DEPTOR: variants seen among roughly 807,000 people sequenced by gnomAD.
DEPTOR encodes the protein DEP domain containing MTOR interacting protein.
In DEPTOR, 41 loss-of-function variants were observed where a neutral mutation model predicts 41.6. The ratio of observed to expected loss-of-function variants is 0.98; its 90% CI spans 0.77 to 1.28. The LOEUF (loss-of-function observed/expected upper bound fraction) is 1.28. Among genes scored for constraint, DEPTOR ranks in the 50% most tolerant of loss-of-function variants. The probability of loss-of-function intolerance (pLI) is 0.00; values close to 1 mark genes in which losing one functional copy is unlikely to be tolerated. For missense variants in DEPTOR, 514 were observed against 527.9 expected (o/e 0.97, Z 0.26); for synonymous variants, 195 against 192.3 (o/e 1.01, Z -0.12).
chr8:119,895,258 T>C (rs1399784566), intron 1 of DEPTOR, among the ~76,000 whole-genome samples: 1 of 152,256 alleles, frequency 6.6e-6, no homozygotes, highest in Non-Finnish European at 1.5e-5. Flanking sequence ...TTGAGCCTTT[T>C]AGTACCTTGT....
intron 4 of DEPTOR, among the ~76,000 whole-genome samples, chr8:119,989,370 T>C (rs764545424): frequency 1.3e-5 from 2 of 152,118 alleles, no homozygotes; most frequent in Non-Finnish European, 2.9e-5. Context: ...CAGGAATAAA[T>C]GTGGGCAAAG....
chr8:119,906,328 T>TC (rs1563962242), intron 1 of DEPTOR, among the ~76,000 whole-genome samples: 1 of 150,016 alleles, frequency 6.7e-6, no homozygotes, highest in Non-Finnish European at 1.5e-5. Flanking sequence ...TGGTGGTGCA[T>TC]GTCTGTGGTC....
intron 8 of DEPTOR, among the ~76,000 whole-genome samples, chr8:120,030,864 A>T (rs1238863188): frequency 2.0e-5 from 3 of 151,578 alleles, no homozygotes; most frequent in Admixed American, 6.6e-5. Context: ...GGCTTGACCT[A>T]AGCTCACTGC....
intron 4 of DEPTOR, among the ~76,000 whole-genome samples, chr8:119,991,461 G>T (rs902242383): frequency 6.6e-6 from 1 of 152,156 alleles, no homozygotes; most frequent in African/African-American, 2.4e-5. Context: ...GATTACAGGC[G>T]TGTGCCACCA....
chr8:119,930,011 G>A, intron 3 of DEPTOR, 73 bp downstream of exon 3: 1 of 1,498,330 alleles, frequency 6.7e-7, no homozygotes, highest in Non-Finnish European at 9.0e-7. Context: ...GTCTCATTAT[G>A]TTGATTTCAG....
intron 4 of DEPTOR, among the ~76,000 whole-genome samples, chr8:119,987,466 G>A (rs1294196628): frequency 1.3e-5 from 2 of 152,130 alleles, no homozygotes; most frequent in African/African-American, 4.8e-5. Context: ...GATGTCTGTC[G>A]ACCCCTGCTG....
chr8:120,021,683 T>C (rs1293969215), intron 8 of DEPTOR, among the ~76,000 whole-genome samples: 14 of 152,146 alleles, frequency 9.2e-5, no homozygotes, highest in African/African-American at 3.4e-4. Context: ...CTTTCTAGTC[T>C]TAGAAAAACT....
intron 1 of DEPTOR, among the ~76,000 whole-genome samples, chr8:119,877,942 G>A (rs1328369877): frequency 6.6e-6 from 1 of 152,026 alleles, no homozygotes; most frequent in Non-Finnish European, 1.5e-5. Context: ...TTTGTGTTTT[G>A]TTTTTTGAGA....
intron 7 of DEPTOR, among the ~76,000 whole-genome samples, chr8:120,008,212 T>C (rs1215036260): frequency 1.3e-5 from 2 of 152,076 alleles, no homozygotes; most frequent in African/African-American, 4.8e-5. Context: ...GAAAGGGGCA[T>C]GGTGGAGCCC....
intron 8 of DEPTOR, among the ~76,000 whole-genome samples, chr8:120,009,695 A>G (rs1176913593): frequency 7.9e-5 from 12 of 152,176 alleles, no homozygotes; most frequent in Non-Finnish European, 1.5e-5. Flanking sequence ...TAATTTCATT[A>G]TTTGGTGCCA....
intron 3 of DEPTOR, among the ~76,000 whole-genome samples, chr8:119,949,775 G>A (rs1828329227): frequency 6.6e-6 from 1 of 152,134 alleles, no homozygotes; most frequent in Admixed American, 6.5e-5. Context: ...CACCTCCCGG[G>A]TTCAAGCAAT....
chr8:120,026,583 T>A (rs1305665263), intron 8 of DEPTOR, among the ~76,000 whole-genome samples: 1 of 152,006 alleles, frequency 6.6e-6, no homozygotes, highest in East Asian at 1.9e-4. Context: ...CCTCCGGTGA[T>A]CCACCCACCT....
At chr8:119,901,070 G>A (rs1191250551) in intron 1 of DEPTOR, among the ~76,000 whole-genome samples, 1 of 152,108 alleles carries the variant, frequency 6.6e-6, no homozygotes, top group African/African-American at 2.4e-5. Flanking sequence ...TTTAAGAATT[G>A]AATCTCTCTG....
At chr8:119,984,701 C>T (rs1828808469) in intron 4 of DEPTOR, among the ~76,000 whole-genome samples, 1 of 152,178 alleles carries the variant, frequency 6.6e-6, no homozygotes, top group South Asian at 2.1e-4. Flanking sequence ...CAAGTCTTTG[C>T]TATTGTGAAT....
chr8:119,993,500 G>A (rs886986829), intron 4 of DEPTOR, among the ~76,000 whole-genome samples: 1 of 152,130 alleles, frequency 6.6e-6, no homozygotes, highest in African/African-American at 2.4e-5. Flanking sequence ...AATTACAACT[G>A]GTAAGATCAC....
At chr8:119,949,335 C>A (rs752326590) in intron 3 of DEPTOR, among the ~76,000 whole-genome samples, 1 of 152,152 alleles carries the variant, frequency 6.6e-6, no homozygotes, top group Non-Finnish European at 1.5e-5. Flanking sequence ...TATGAACATT[C>A]ATATGCAAGG....
intron 3 of DEPTOR, among the ~76,000 whole-genome samples, chr8:119,964,515 CAAA>C (rs536731714): frequency 4.7e-3 from 570 of 121,090 alleles, no homozygotes; most frequent in African/African-American, 9.1e-3. Flanking sequence ...AAGCCCGTCT[CAAA>C]AAAAAAAAAA....
At chr8:119,954,725 G>C (rs867019396) in intron 3 of DEPTOR, among the ~76,000 whole-genome samples, 3 of 152,204 alleles carry the variant, frequency 2.0e-5, no homozygotes, top group Middle Eastern at 6.8e-3. Context: ...TTGTAGTGCT[G>C]CCTTCCCTCT....
intron 4 of DEPTOR, among the ~76,000 whole-genome samples, chr8:119,975,917 G>A (rs940400866): frequency 9.8e-6 from 1 of 101,612 alleles, no homozygotes; most frequent in Non-Finnish European, 1.8e-5. Context: ...GTCTCACTTT[G>A]TTGCCCAGGC....
Sources: allele counts gnomAD v4.1 joint callset (sites outside exome capture counted in the v4.1 genomes callset), GRCh38; gene constraint gnomAD v4.1.1; transcripts MANE v1.5; gene names NCBI Gene and HGNC (gene_info 2026-07-23, HGNC 2026-07-21).